Variants in TAFA4 observed in about 807,000 individuals in gnomAD.
TAFA4 encodes the protein chemokine-like protein TAFA-4.
TAFA4 carries 20 observed loss-of-function variants against 21.1 expected under a neutral mutation model. The observed-to-expected ratio is 0.95, with a 90% CI of 0.67 to 1.38. TAFA4 has a LOEUF of 1.38. Among genes scored for constraint, TAFA4 ranks in the 40% most tolerant of loss-of-function variants. The pLI, the probability that TAFA4 is intolerant of heterozygous loss-of-function variation, is 0.00. For synonymous variants in TAFA4, 71 were observed against 67.4 expected, an observed-to-expected ratio of 1.05 and a Z score of -0.26; for missense variants, 211 against 180.9, an observed-to-expected ratio of 1.17 and a Z score of -0.95.
At chr3:68,796,405 CA>C (rs1287396723) in intron 3 of TAFA4, among the ~76,000 whole-genome samples, 1 of 152,118 alleles carries the variant, frequency 6.6e-6, no homozygotes, top group African/African-American at 2.4e-5. Context: ...CAAAAAGACA[CA>C]GTGCAACTAT....
In TAFA4 at chr3:68,871,479, G is replaced by A. The variant is rs556132476; in HGVS notation, c.130+9251C>T. Among the ~76,000 whole-genome samples, 27 of 152,180 alleles carry A rather than the reference G, an allele frequency of 1.8e-4. No homozygotes were observed. The South Asian group carries it at 2.1e-3, about 12-fold the overall frequency. On this transcript the variant is annotated intron_variant, in intron 3 of 5. Coordinates refer to ENST00000295569, the MANE Select transcript of TAFA4 (RefSeq NM_182522.5). Reference sequence around the variant, plus strand: ...AACACCTGAAACTATGAAACTATTAGAAGCAAAAACTGGGGAAATGCTTCA... The same window carrying A: ...AACACCTGAAACTATGAAACTATTAAAAGCAAAAACTGGGGAAATGCTTCA...
At chr3:68,754,142 C>G (rs1300264864) in intron 3 of TAFA4, among the ~76,000 whole-genome samples, 1 of 152,178 alleles carries the variant, frequency 6.6e-6, no homozygotes, top group Non-Finnish European at 1.5e-5. Context: ...AACTACTTCA[C>G]TGTGTATTTT....
chr3:68,916,124 C>T (rs2090002537), intron 1 of TAFA4: 1 of 152,138 alleles, frequency 6.6e-6, no homozygotes, highest in African/African-American at 2.4e-5. Context: ...TGTGAGGTTC[C>T]CACTGACTCC....
At chr3:68,782,547 T>G (rs1703172256) in intron 3 of TAFA4, among the ~76,000 whole-genome samples, 1 of 151,996 alleles carries the variant, frequency 6.6e-6, no homozygotes. Context: ...CAATAAATTA[T>G]CCAGTGATTG....
intron 4 of TAFA4, among the ~76,000 whole-genome samples, chr3:68,751,068 C>A (rs2106750022): frequency 6.6e-6 from 1 of 152,258 alleles, no homozygotes; most frequent in Middle Eastern, 3.4e-3. Context: ...ATTAAGCAGA[C>A]CAGGTGTGTC....
chr3:68,876,413 A>C (rs903698069), intron 3 of TAFA4, among the ~76,000 whole-genome samples: 2 of 152,246 alleles, frequency 1.3e-5, no homozygotes, highest in Non-Finnish European at 2.9e-5. Context: ...CCGCCTGTAC[A>C]TACAATTTTA....
chr3:68,784,803 G>T (rs1056241640), intron 3 of TAFA4, among the ~76,000 whole-genome samples: 17 of 152,294 alleles, frequency 1.1e-4, no homozygotes, highest in Non-Finnish European at 7.4e-5. Context: ...TTGACAGGGC[G>T]CTGATTGGTG....
At chr3:68,914,153 G>A (rs759014470) in intron 1 of TAFA4, among the ~76,000 whole-genome samples, 18 of 152,290 alleles carry the variant, frequency 1.2e-4, no homozygotes, top group Non-Finnish European at 2.2e-4. Context: ...CTAGAATAAA[G>A]TAGCCTATTC....
intron 3 of TAFA4, among the ~76,000 whole-genome samples, chr3:68,804,306 A>G (rs1703638627): frequency 6.6e-6 from 1 of 152,224 alleles, no homozygotes; most frequent in South Asian, 2.1e-4. Context: ...AAGAGGATAC[A>G]AACAAATGGA....
chr3:68,812,683 T>A (rs950750175), intron 3 of TAFA4, among the ~76,000 whole-genome samples: 1 of 152,104 alleles, frequency 6.6e-6, no homozygotes, highest in Non-Finnish European at 1.5e-5. Context: ...AGCAAGTCCT[T>A]AGAGACCTAG....
chr3:68,871,490 T>G (rs1415279180), intron 3 of TAFA4, among the ~76,000 whole-genome samples: 2 of 151,990 alleles, frequency 1.3e-5, no homozygotes, highest in African/African-American at 4.8e-5. Flanking sequence ...AAGCAAAAAC[T>G]GGGGAAATGC....
At chr3:68,820,519 A>T (rs530402451) in intron 3 of TAFA4, among the ~76,000 whole-genome samples, 3 of 152,152 alleles carry the variant, frequency 2.0e-5, no homozygotes, top group African/African-American at 7.2e-5. Context: ...TACCAAAAAA[A>T]AAATAAAAAA....
chr3:68,810,827 G>A (rs1354407348), intron 3 of TAFA4, among the ~76,000 whole-genome samples: 3 of 152,162 alleles, frequency 2.0e-5, no homozygotes, highest in Non-Finnish European at 4.4e-5. Flanking sequence ...GAGAGTAGTG[G>A]TTCTCCCAGC....
chr3:68,892,707 T>G (rs1394502000), intron 1 of TAFA4, among the ~76,000 whole-genome samples: 7 of 152,226 alleles, frequency 4.6e-5, no homozygotes, highest in Admixed American at 3.9e-4. Context: ...GAGAAATTCC[T>G]TAAAACCACA....
rs191831045 is a variant in TAFA4 at position 68,864,906 on chromosome 3, C to A, written c.130+15824G>T. On this transcript the variant is annotated intron_variant, in intron 3 of 5. Coordinates refer to ENST00000295569, the MANE Select transcript of TAFA4 (RefSeq NM_182522.5). ...TCCACAAACAAAATTCTAGAAAATGCAAACTCATCTACAGTGACCAAAAAA... is the reference window on the plus strand; with the variant it reads ...TCCACAAACAAAATTCTAGAAAATGAAAACTCATCTACAGTGACCAAAAAA... Among the ~76,000 whole-genome samples the A allele has an allele frequency of 5.3e-5, 8 of 152,014 alleles. No homozygotes were observed. In the East Asian group the frequency reaches 1.5e-3, roughly 29 times the overall value.
intron 3 of TAFA4, among the ~76,000 whole-genome samples, chr3:68,781,072 T>A (rs1209290369): frequency 6.6e-6 from 1 of 152,090 alleles, no homozygotes; most frequent in East Asian, 1.9e-4. Context: ...CATAAAAGTA[T>A]TTTAGAATAT....
intron 3 of TAFA4, among the ~76,000 whole-genome samples, chr3:68,869,189 A>G (rs934394594): frequency 6.6e-6 from 1 of 152,058 alleles, no homozygotes; most frequent in Non-Finnish European, 1.5e-5. Context: ...CAGATCAATA[A>G]CAAATAATGA....
intron 3 of TAFA4, among the ~76,000 whole-genome samples, chr3:68,840,024 G>A (rs1359960652): frequency 6.6e-6 from 1 of 152,170 alleles, no homozygotes; most frequent in Non-Finnish European, 1.5e-5. Flanking sequence ...TTGGGTTCCA[G>A]GGAGAAGCTG....
intron 3 of TAFA4, among the ~76,000 whole-genome samples, chr3:68,870,838 G>A (rs2089473530): frequency 6.6e-6 from 1 of 151,968 alleles, no homozygotes; most frequent in Admixed American, 6.6e-5. Flanking sequence ...TGCAGTGTTT[G>A]GTTTTCTGTT....
Sources: gnomAD v4.1 joint callset for allele counts (sites outside exome capture counted in the v4.1 genomes callset) on GRCh38, gnomAD v4.1.1 for gene constraint, MANE v1.5 for transcripts, NCBI Gene and HGNC (gene_info 2026-07-23, HGNC 2026-07-21) for gene names.